Variants in EPS15 observed in about 807,000 individuals in gnomAD.
The protein encoded by EPS15 is epidermal growth factor receptor substrate 15.
In EPS15, 72 loss-of-function variants were observed where a neutral mutation model predicts 113.8. That is an observed-to-expected ratio of 0.63 (90% CI 0.52 to 0.77). The LOEUF (loss-of-function observed/expected upper bound fraction) is 0.77, where lower values mean the gene tolerates loss of function less well. Ranked by LOEUF, EPS15 falls within the 30% of genes least tolerant of loss-of-function variation. The probability of loss-of-function intolerance (pLI) is 0.00; values close to 1 mark genes in which losing one functional copy is unlikely to be tolerated. For synonymous variants in EPS15, 344 were observed against 363.4 expected (o/e 0.95, Z 0.61); for missense variants, 1,048 against 1,045.8 (o/e 1.00, Z -0.03).
At chr1:51,512,457 A>C (rs1644637575) in intron 1 of EPS15, among the ~76,000 whole-genome samples, 1 of 152,166 alleles carries the variant, frequency 6.6e-6, no homozygotes, top group South Asian at 2.1e-4. Context: ...CATATAAAAC[A>C]AATATTTCTA....
intron 21 of EPS15, among the ~76,000 whole-genome samples, chr1:51,388,750 C>T (rs1048716439): frequency 2.6e-5 from 4 of 152,294 alleles, no homozygotes; most frequent in Non-Finnish European, 4.4e-5. Flanking sequence ...CACATACACC[C>T]TCCCAAGACT....
intron 11 of EPS15, among the ~76,000 whole-genome samples, chr1:51,442,835 TA>T (rs1652700515): frequency 6.6e-6 from 1 of 151,892 alleles, no homozygotes; most frequent in African/African-American, 2.4e-5. Context: ...AGAGTAGAGT[TA>T]AGAAACTGAC....
At chr1:51,428,211 T>C (rs1264342479) in intron 12 of EPS15, among the ~76,000 whole-genome samples, 1 of 151,964 alleles carries the variant, frequency 6.6e-6, no homozygotes, top group East Asian at 1.9e-4. Context: ...AGGGAGTTCA[T>C]TACTTCTAGA....
chr1:51,389,712 A>G (rs554212784), intron 21 of EPS15, among the ~76,000 whole-genome samples: 78 of 152,400 alleles, frequency 5.1e-4, no homozygotes, highest in African/African-American at 1.8e-3. Flanking sequence ...ACTCTCATTC[A>G]CAATTGCTTC....
chr1:51,472,280 T>C (rs886856073), intron 3 of EPS15, among the ~76,000 whole-genome samples: 14 of 152,208 alleles, frequency 9.2e-5, no homozygotes, highest in Non-Finnish European at 1.9e-4. Flanking sequence ...CTGAGACCAA[T>C]GCTCTTTCTA....
intron 21 of EPS15, among the ~76,000 whole-genome samples, chr1:51,371,537 A>T (rs913500364): frequency 2.6e-5 from 4 of 152,066 alleles, no homozygotes; most frequent in Admixed American, 6.5e-5. Flanking sequence ...AAAAAAATTT[A>T]AAAGTAGGCA....
rs79137566 is a variant in EPS15, at chr1:51,425,808, T to C, written c.1041-3950A>G. On this transcript the variant is annotated intron_variant, in intron 12 of 24. Transcript: ENST00000371733. ...CTTAGGATTTGCAAGGCAAAATATG[T>C]AAGATGTCAAGTAATTAATATTGAG... Among the ~76,000 whole-genome samples the C allele has an allele frequency of 2.3e-3, 355 of 152,360 alleles. 8 individuals carry two copies. The highest frequency in any genetic ancestry group is 0.02 in the East Asian group (105 of 5,186).
intron 1 of EPS15, among the ~76,000 whole-genome samples, chr1:51,481,570 C>T (rs1644020967): frequency 1.3e-5 from 2 of 152,154 alleles, no homozygotes; most frequent in South Asian, 4.1e-4. Flanking sequence ...CAAAACTCCT[C>T]TTCATCTAAT....
intron 21 of EPS15, among the ~76,000 whole-genome samples, chr1:51,376,043 T>G (rs569676765): frequency 6.6e-6 from 1 of 152,298 alleles, no homozygotes; most frequent in African/African-American, 2.4e-5. Flanking sequence ...AAACAACAGA[T>G]TTTCAATGTA....
chr1:51,451,982 A>C (rs1193357633), intron 8 of EPS15, among the ~76,000 whole-genome samples: 1 of 151,894 alleles, frequency 6.6e-6, no homozygotes, highest in Non-Finnish European at 1.5e-5. Context: ...CCTGGGCTCA[A>C]GCCTTCCTCC....
At chr1:51,442,536 G>A (rs910626518) in intron 11 of EPS15, among the ~76,000 whole-genome samples, 3 of 151,964 alleles carry the variant, frequency 2.0e-5, no homozygotes, top group African/African-American at 4.8e-5. Context: ...GCATTTGAAG[G>A]GTATATGAGA....
intron 21 of EPS15, among the ~76,000 whole-genome samples, chr1:51,375,192 A>G (rs939266619): frequency 6.6e-6 from 1 of 151,086 alleles, no homozygotes; most frequent in African/African-American, 2.4e-5. Flanking sequence ...TAGTAGAGAC[A>G]GGGTTTCACT....
chr1:51,389,013 C>CA (rs1162944127), intron 21 of EPS15, among the ~76,000 whole-genome samples: 3 of 151,992 alleles, frequency 2.0e-5, no homozygotes, highest in Non-Finnish European at 4.4e-5. Context: ...GAGATGCAAC[C>CA]AAAAAAGAGA....
At chr1:51,503,755 T>G (rs973642043) in intron 1 of EPS15, among the ~76,000 whole-genome samples, 1 of 152,152 alleles carries the variant, frequency 6.6e-6, no homozygotes, top group Non-Finnish European at 1.5e-5. Flanking sequence ...TATAGATCAA[T>G]GGAACAGAAT....
At chr1:51,442,110 C>G (rs1652640916) in intron 11 of EPS15, among the ~76,000 whole-genome samples, 1 of 152,110 alleles carries the variant, frequency 6.6e-6, no homozygotes, top group Admixed American at 6.5e-5. Flanking sequence ...TCCACTGATA[C>G]ACAAAAACTT....
intron 1 of EPS15, among the ~76,000 whole-genome samples, chr1:51,500,722 C>T (rs1254173222): frequency 6.6e-6 from 1 of 152,114 alleles, no homozygotes; most frequent in Non-Finnish European, 1.5e-5. Flanking sequence ...CAGTGGCTCA[C>T]GTCTGTAATC....
chr1:51,359,242 G>A (rs1464196689), intron 24 of EPS15, among the ~76,000 whole-genome samples: 1 of 151,386 alleles, frequency 6.6e-6, no homozygotes, highest in East Asian at 2.0e-4. Context: ...TCAAGGGATC[G>A]AGACCATCCC....
intron 1 of EPS15, among the ~76,000 whole-genome samples, chr1:51,505,356 GGAAT>G (rs1644480906): frequency 6.6e-6 from 1 of 152,142 alleles, no homozygotes; most frequent in South Asian, 2.1e-4. Context: ...ACCAAAAAAA[GGAAT>G]GAATTACTGA....
chr1:51,513,612 AT>A (rs1324970842), intron 1 of EPS15, among the ~76,000 whole-genome samples: 2 of 152,158 alleles, frequency 1.3e-5, no homozygotes, highest in Non-Finnish European at 2.9e-5. Flanking sequence ...CATTGTATGA[AT>A]TTTTTTAACC....
Sources: allele counts gnomAD v4.1 joint callset (sites outside exome capture counted in the v4.1 genomes callset), GRCh38; gene constraint gnomAD v4.1.1; transcripts MANE v1.5; gene names NCBI Gene and HGNC (gene_info 2026-07-23, HGNC 2026-07-21).